The following VPS13B variants were observed in gnomAD, a reference collection of about 807,000 sequenced individuals.
The protein encoded by VPS13B is intermembrane lipid transfer protein VPS13B.
VPS13B carries 285 observed loss-of-function variants against 426.4 expected under a neutral mutation model. That is an observed-to-expected ratio of 0.67 (90% CI 0.61 to 0.74). The LOEUF (loss-of-function observed/expected upper bound fraction) is 0.74, where lower values mean the gene tolerates loss of function less well. VPS13B is among the 30% of genes least tolerant of loss of function. The pLI is 0.00. For synonymous variants in VPS13B, 1,676 were observed against 1,676.4 expected (o/e 1.00, Z 0.01); for missense variants, 4,537 against 4,782.6 (o/e 0.95, Z 1.51).
intron 33 of VPS13B, among the ~76,000 whole-genome samples, chr8:99,628,783 T>A (rs1408402393): frequency 6.6e-6 from 1 of 152,066 alleles, no homozygotes; most frequent in Non-Finnish European, 1.5e-5. Flanking sequence ...GTGTTTTTTT[T>A]TTTTTAAGGG....
intron 23 of VPS13B, among the ~76,000 whole-genome samples, chr8:99,452,080 A>G (rs1246803690): frequency 6.6e-6 from 1 of 152,152 alleles, no homozygotes; most frequent in East Asian, 1.9e-4. Context: ...CCAAGACCCC[A>G]TACGAATTGG....
At chr8:99,713,157 A>T (rs1440815500) in intron 36 of VPS13B, among the ~76,000 whole-genome samples, 1 of 152,216 alleles carries the variant, frequency 6.6e-6, no homozygotes, top group Non-Finnish European at 1.5e-5. Flanking sequence ...ATTTCTACAA[A>T]TATAAGATTT....
At chr8:99,817,935 G>A (rs1326355709) in intron 45 of VPS13B, 132 bp downstream of exon 45, 4 of 1,367,184 alleles carry the variant, frequency 2.9e-6, no homozygotes, top group African/African-American at 1.4e-5. Flanking sequence ...GCTTTGAATA[G>A]TACTTCTCAA....
At chr8:99,085,263 C>G (rs1307180409) in intron 3 of VPS13B, among the ~76,000 whole-genome samples, 1 of 152,158 alleles carries the variant, frequency 6.6e-6, no homozygotes, top group Non-Finnish European at 1.5e-5. Context: ...TTATCAGAGA[C>G]TAGGATTGCA....
At chr8:99,831,096 A>G (rs1362930815) in intron 51 of VPS13B, among the ~76,000 whole-genome samples, 98 of 62,836 alleles carry the variant, frequency 1.6e-3, no homozygotes, top group African/African-American at 5.5e-3. Flanking sequence ...TTTTTGAGAT[A>G]GAGTCTCGCC....
At chr8:99,757,866 A>G (rs981404425) in intron 39 of VPS13B, among the ~76,000 whole-genome samples, 1 of 152,228 alleles carries the variant, frequency 6.6e-6, no homozygotes, top group African/African-American at 2.4e-5. Flanking sequence ...ATAGGAAAAC[A>G]AAATGTAATA....
chr8:99,295,620 A>G (rs1819991021), intron 19 of VPS13B, among the ~76,000 whole-genome samples: 1 of 152,192 alleles, frequency 6.6e-6, no homozygotes, highest in Non-Finnish European at 1.5e-5. Flanking sequence ...CTAGCAACAC[A>G]GTGCACTGTA....
chr8:99,044,560 C>A (rs947273037), intron 3 of VPS13B, among the ~76,000 whole-genome samples: 2 of 151,648 alleles, frequency 1.3e-5, no homozygotes, highest in East Asian at 3.9e-4. Flanking sequence ...TGAGTAAATT[C>A]TCTAGTGGTA....
intron 8 of VPS13B, among the ~76,000 whole-genome samples, chr8:99,129,187 G>GA (rs964906739): frequency 2.0e-5 from 3 of 151,744 alleles, no homozygotes; most frequent in African/African-American, 7.3e-5. Context: ...CAGTTCTACT[G>GA]AAAAAAATTA....
intron 35 of VPS13B, among the ~76,000 whole-genome samples, chr8:99,672,557 T>C (rs910059563): frequency 6.6e-6 from 1 of 152,144 alleles, no homozygotes; most frequent in Non-Finnish European, 1.5e-5. Context: ...TTTCTATATA[T>C]AAGAAAACCT....
intron 28 of VPS13B, among the ~76,000 whole-genome samples, chr8:99,510,632 A>G (rs1030912338): frequency 6.6e-6 from 1 of 152,128 alleles, no homozygotes; most frequent in African/African-American, 2.4e-5. Context: ...CCTCCCAAGC[A>G]ACTGGGATTA....
intron 35 of VPS13B, among the ~76,000 whole-genome samples, chr8:99,674,073 G>T (rs750972172): frequency 7.2e-5 from 11 of 151,958 alleles, no homozygotes; most frequent in Non-Finnish European, 1.3e-4. Context: ...GCTTTTGGAT[G>T]GAACATTCTG....
intron 58 of VPS13B, 133 bp from the exon 59 acceptor site, chr8:99,868,156 A>G (rs1376877544): frequency 9.5e-7 from 1 of 1,051,842 alleles, no homozygotes; most frequent in African/African-American, 1.6e-5. Context: ...TGGTAAACAA[A>G]TGGGTAGTAA....
intron 39 of VPS13B, among the ~76,000 whole-genome samples, chr8:99,739,865 A>G (rs1809602495): frequency 6.6e-6 from 1 of 152,192 alleles, no homozygotes; most frequent in Non-Finnish European, 1.5e-5. Context: ...AACCACAAAG[A>G]TGTGGAAAAA....
chr8:99,094,309 A>G (rs1433574021), intron 3 of VPS13B, among the ~76,000 whole-genome samples: 1 of 152,228 alleles, frequency 6.6e-6, no homozygotes, highest in Non-Finnish European at 1.5e-5. Flanking sequence ...AATGTTGTGC[A>G]GAAGTGTATG....
At chr8:99,708,306 C>CT (rs1832571515) in intron 36 of VPS13B, among the ~76,000 whole-genome samples, 1 of 152,100 alleles carries the variant, frequency 6.6e-6, no homozygotes, top group African/African-American at 2.4e-5. Flanking sequence ...CTCCATCACC[C>CT]TTTGGTATTT....
chr8:99,412,303 T>C (rs111473625), intron 21 of VPS13B, among the ~76,000 whole-genome samples: 11,078 of 152,274 alleles, frequency 0.073, 485 homozygotes, highest in African/African-American at 0.12. Context: ...GTAAGTTGTA[T>C]TCCTAGGTAT....
At chr8:99,320,802 T>C (rs1809936938) in intron 19 of VPS13B, among the ~76,000 whole-genome samples, 1 of 152,236 alleles carries the variant, frequency 6.6e-6, no homozygotes, top group Admixed American at 6.5e-5. Context: ...TTTGCTTTGA[T>C]ATTCACAGTG....
intron 44 of VPS13B, among the ~76,000 whole-genome samples, chr8:99,815,997 A>G (rs1284713749): frequency 6.6e-6 from 1 of 151,862 alleles, no homozygotes; most frequent in Non-Finnish European, 1.5e-5. Context: ...ATACCTAGCT[A>G]ATTTTTAAAT....
Sources: allele counts gnomAD v4.1 joint callset (sites outside exome capture counted in the v4.1 genomes callset), GRCh38; gene constraint gnomAD v4.1.1; transcripts MANE v1.5; gene names NCBI Gene and HGNC (gene_info 2026-07-23, HGNC 2026-07-21).